Variants in CMSS1 observed in about 807,000 individuals in gnomAD.
CMSS1 encodes the protein protein CMSS1.
In CMSS1, 33 loss-of-function variants were observed where a neutral mutation model predicts 43.5. The ratio of observed to expected loss-of-function variants is 0.76; its 90% CI spans 0.57 to 1.01. The LOEUF (loss-of-function observed/expected upper bound fraction) is 1.01, where lower values mean the gene tolerates loss of function less well. Among genes scored for constraint, CMSS1 ranks in the 50% least tolerant of loss-of-function variants. The pLI, the probability that CMSS1 is intolerant of heterozygous loss-of-function variation, is 0.00. For missense variants in CMSS1, 313 were observed against 326.4 expected, an observed-to-expected ratio of 0.96 and a Z score of 0.32; for synonymous variants, 115 against 117.2, an observed-to-expected ratio of 0.98 and a Z score of 0.12.
At chr3:99,875,643 G>C (rs1178122814) in intron 1 of CMSS1, among the ~76,000 whole-genome samples, 1 of 152,132 alleles carries the variant, frequency 6.6e-6, no homozygotes, top group African/African-American at 2.4e-5. Context: ...TTTACAAAAA[G>C]AGGGGAAAAC....
intron 1 of CMSS1, chr3:99,874,344 C>T (rs1045087202): frequency 1.3e-5 from 2 of 152,118 alleles, no homozygotes; most frequent in Admixed American, 6.5e-5. Context: ...TTCAGAAGAG[C>T]AGAATATCTT....
chr3:99,923,927 A>G (rs1293147728), intron 1 of CMSS1, among the ~76,000 whole-genome samples: 1 of 152,140 alleles, frequency 6.6e-6, no homozygotes, highest in Non-Finnish European at 1.5e-5. Context: ...TGCCATGAAT[A>G]TGGTTTTCAT....
chr3:99,976,262 G>A (rs1242136623), intron 1 of CMSS1, among the ~76,000 whole-genome samples: 1 of 152,170 alleles, frequency 6.6e-6, no homozygotes, highest in Admixed American at 6.6e-5. Context: ...TACTTGAGGA[G>A]AGTAAAAAGA....
rs546694330 is a variant in CMSS1, at chr3:100,132,691, C to T, written c.65-14282C>T. ...AAAATTAGCCGAGCATGGTGGCGGGCGCCTATAGTCCCAGCTACTCAGGAG... is the reference window on the plus strand; with the variant it reads ...AAAATTAGCCGAGCATGGTGGCGGGTGCCTATAGTCCCAGCTACTCAGGAG... On this transcript the variant is annotated intron_variant, in intron 1 of 9. Transcript: ENST00000421999. Among the ~76,000 whole-genome samples, 469 of 151,158 alleles carry T rather than the reference C, an allele frequency of 3.1e-3. 2 individuals carry two copies. Among genetic ancestry groups the T allele is most frequent in the African/African-American group, 0.01 (419 of 41,208 alleles).
chr3:99,959,081 A>G (rs564842071), intron 1 of CMSS1, among the ~76,000 whole-genome samples: 1 of 152,302 alleles, frequency 6.6e-6, no homozygotes, highest in South Asian at 2.1e-4. Context: ...ACACATCAGG[A>G]TATGATGGTA....
In CMSS1 at chr3:99,832,961, C is replaced by G. The variant is rs573589793; in HGVS notation, c.64+14918C>G. 2.7e-5 allele frequency among the ~76,000 whole-genome samples: 4 copies of G among 146,300 alleles called. No homozygotes were observed. The South Asian group carries it at 8.7e-4, about 32-fold the overall frequency. ...CATCTCTTGGATCATTTTTATAGAG[C>G]GTTATGTCAAATAGCTCCAAGAAAG... On this transcript the variant is annotated intron_variant, in intron 1 of 9. Coordinates refer to ENST00000421999, the MANE Select transcript of CMSS1 (RefSeq NM_032359.4).
chr3:100,156,224 A>G (rs1162329528), intron 2 of CMSS1, among the ~76,000 whole-genome samples: 1 of 151,862 alleles, frequency 6.6e-6, no homozygotes, highest in Non-Finnish European at 1.5e-5. Context: ...TCCTGGGCTC[A>G]AGAGGTCCTC....
intron 1 of CMSS1, among the ~76,000 whole-genome samples, chr3:100,086,264 A>C (rs1374354416): frequency 6.6e-6 from 1 of 152,228 alleles, no homozygotes; most frequent in Non-Finnish European, 1.5e-5. Context: ...AAACAACTAG[A>C]AGTCATTCAG....
At chr3:99,852,477 C>T (rs930677090) in intron 1 of CMSS1, among the ~76,000 whole-genome samples, 2 of 152,016 alleles carry the variant, frequency 1.3e-5, no homozygotes, top group African/African-American at 4.8e-5. Flanking sequence ...AATTGAGTCT[C>T]ACTCTGTCGC....
intron 1 of CMSS1, among the ~76,000 whole-genome samples, chr3:99,875,514 C>T (rs910625387): frequency 2.0e-5 from 3 of 152,142 alleles, no homozygotes; most frequent in Admixed American, 6.5e-5. Flanking sequence ...TATGCTTTTA[C>T]GACAAAATAG....
At chr3:99,829,732 A>T (rs1942612767) in intron 1 of CMSS1, among the ~76,000 whole-genome samples, 1 of 152,224 alleles carries the variant, frequency 6.6e-6, no homozygotes, top group Non-Finnish European at 1.5e-5. Flanking sequence ...AAGCACCTGG[A>T]ATATTGATTC....
At chr3:99,875,836 C>T (rs1038161660) in intron 1 of CMSS1, among the ~76,000 whole-genome samples, 23 of 152,228 alleles carry the variant, frequency 1.5e-4, no homozygotes, top group African/African-American at 3.9e-4. Context: ...CACCTCCCAC[C>T]TCTCAACATT....
At chr3:100,049,461 GTCT>G (rs2065333600) in intron 1 of CMSS1, among the ~76,000 whole-genome samples, 1 of 152,170 alleles carries the variant, frequency 6.6e-6, no homozygotes, top group South Asian at 2.1e-4. Context: ...TTAAGAGGGA[GTCT>G]TCTTTTTATT....
chr3:99,847,235 A>T (rs1311644280), intron 1 of CMSS1, among the ~76,000 whole-genome samples: 2 of 151,832 alleles, frequency 1.3e-5, no homozygotes, highest in Admixed American at 6.6e-5. Flanking sequence ...AAAAAAAAAA[A>T]CTGTAAGCTT....
At chr3:100,171,345 C>A (rs182736593) in intron 6 of CMSS1, among the ~76,000 whole-genome samples, 4 of 151,944 alleles carry the variant, frequency 2.6e-5, no homozygotes, top group African/African-American at 9.7e-5. Context: ...TAGAAGCCCC[C>A]CCTCTTCCCC....
chr3:99,885,523 TAGCAC>T (rs1461361923), intron 1 of CMSS1, among the ~76,000 whole-genome samples: 1 of 152,246 alleles, frequency 6.6e-6, no homozygotes, highest in Admixed American at 6.5e-5. Context: ...ATTTAAAATT[TAGCAC>T]AAGTTCATAA....
intron 1 of CMSS1, among the ~76,000 whole-genome samples, chr3:100,073,745 G>A (rs1207431840): frequency 6.6e-6 from 1 of 152,210 alleles, no homozygotes; most frequent in Non-Finnish European, 1.5e-5. Flanking sequence ...CAAATGCAGA[G>A]TAGGGTGTGT....
intron 1 of CMSS1, among the ~76,000 whole-genome samples, chr3:100,007,192 T>A (rs1710012831): frequency 1.3e-5 from 2 of 152,340 alleles, no homozygotes; most frequent in South Asian, 4.1e-4. Flanking sequence ...TCTTAAGGCT[T>A]TTATTGCTTT....
chr3:100,031,378 C>G (rs12493320), intron 1 of CMSS1, among the ~76,000 whole-genome samples: 7,085 of 152,036 alleles, frequency 0.047, 252 homozygotes, highest in South Asian at 0.075. Context: ...ACCCTCGTTT[C>G]CACTCATCCT....
Sources: allele counts gnomAD v4.1 joint callset (sites outside exome capture counted in the v4.1 genomes callset), GRCh38; gene constraint gnomAD v4.1.1; transcripts MANE v1.5; gene names NCBI Gene and HGNC (gene_info 2026-07-23, HGNC 2026-07-21).